Variants in ANK2 observed in about 807,000 individuals in gnomAD.
The protein encoded by ANK2 is ankyrin-2.
In ANK2, 83 loss-of-function variants were observed where a neutral mutation model predicts 360.5. The ratio of observed to expected loss-of-function variants is 0.23; its 90% CI spans 0.19 to 0.28. The LOEUF (loss-of-function observed/expected upper bound fraction) is 0.28. Ranked by LOEUF, ANK2 falls within the 10% of genes least tolerant of loss-of-function variation. ANK2 has a pLI of 1.00. For missense variants in ANK2, 4,201 were observed against 4,795.7 expected (o/e 0.88, Z 3.66); for synonymous variants, 1,740 against 1,759.5 (o/e 0.99, Z 0.28).
chr4:112,817,632 A>C (rs979681760), upstream of ANK2, among the ~76,000 whole-genome samples: 1 of 151,656 alleles, frequency 6.6e-6, no homozygotes, highest in Non-Finnish European at 1.5e-5. Flanking sequence ...TTATGACTTA[A>C]ACATATATAT....
chr4:113,318,120 A>T (rs1265691285), intron 25 of ANK2, among the ~76,000 whole-genome samples: 2 of 152,230 alleles, frequency 1.3e-5, no homozygotes, highest in East Asian at 1.9e-4. Flanking sequence ...GTGAAGTAGG[A>T]TGCATTTAAG....
At chr4:112,723,225 G>T in the ANK2 span, among the ~76,000 whole-genome samples, 2 of 152,168 alleles carry the variant, frequency 1.3e-5, no homozygotes, top group South Asian at 4.1e-4. Context: ...TTTCATTACT[G>T]CAGTGGAAGG....
the ANK2 span, among the ~76,000 whole-genome samples, chr4:112,709,897 G>A: frequency 1.3e-5 from 2 of 152,186 alleles, no homozygotes; most frequent in African/African-American, 4.8e-5. Context: ...GAAAACTTCA[G>A]TGTCATTCTC....
intron 2 of ANK2, among the ~76,000 whole-genome samples, chr4:113,183,831 A>G: frequency 6.6e-6 from 1 of 152,010 alleles, no homozygotes; most frequent in East Asian, 1.9e-4. Flanking sequence ...TCACCTGTGT[A>G]TATGTAGGAG....
intron 4 of ANK2, among the ~76,000 whole-genome samples, chr4:113,213,633 A>C (rs1358009172): frequency 6.6e-6 from 1 of 152,258 alleles, no homozygotes; most frequent in Non-Finnish European, 1.5e-5. Flanking sequence ...TTTAATCTGC[A>C]AATATGCCCT....
rs1457357554 is a variant in ANK2 at position 113,287,640 on chromosome 4, A to T, written c.2115A>T (p.Glu705Asp). ...CATCCTTACACCTTGCAGCCCAGGA[A>T]GATAAAGTGAATGTTGCTGATATTC... is the stretch of plus-strand genomic sequence containing the variant. ...GLTSLHLAAQ[E>D]DKVNVADILT... The change falls in exon 19 of 46, where the codon GAA becomes GAT. Residue 705 changes from glutamate to aspartate, a missense_variant. By Grantham distance (45) the Glu-to-Asp change is conservative. This residue lies in a region of ANK2 where 1,268 missense variants were observed against 1,650.8 expected (regional missense o/e 0.77). Coordinates refer to ENST00000357077, the MANE Select transcript of ANK2 (RefSeq NM_001148.6). 6.2e-7 allele frequency: 1 copy of T among 1,613,570 alleles called. No homozygotes were observed. The highest frequency in any genetic ancestry group is 2.2e-5 in the East Asian group (1 of 44,864).
chr4:112,829,226 G>A (rs890463973), intron 1 of ANK2, among the ~76,000 whole-genome samples: 7 of 152,172 alleles, frequency 4.6e-5, no homozygotes, highest in Admixed American at 4.6e-4. Flanking sequence ...TTGTTTGTTG[G>A]TTTTATGTCT....
intron 4 of ANK2, among the ~76,000 whole-genome samples, chr4:113,200,837 T>C (rs755578724): frequency 4.2e-5 from 6 of 143,854 alleles, no homozygotes; most frequent in African/African-American, 1.3e-4. Context: ...AATTGAACAA[T>C]GAGAACACAT....
chr4:113,288,961 A>C (rs777213073), intron 20 of ANK2, among the ~76,000 whole-genome samples: 10 of 152,176 alleles, frequency 6.6e-5, no homozygotes, highest in Admixed American at 3.9e-4. Context: ...CCTGGGCTGG[A>C]AGTTCTCAAG....
chr4:112,825,337 T>TA (rs137982278), intron 1 of ANK2, among the ~76,000 whole-genome samples: 1 of 149,100 alleles, frequency 6.7e-6, no homozygotes. Context: ...TAAAGGATAA[T>TA]AAAAAAAAAA....
At chr4:113,377,216 A>C (rs1237490104) in intron 45 of ANK2, among the ~76,000 whole-genome samples, 2 of 152,166 alleles carry the variant, frequency 1.3e-5, no homozygotes, top group Admixed American at 1.3e-4. Context: ...TGTACCCTAC[A>C]TAATTGTATG....
intron 1 of ANK2, among the ~76,000 whole-genome samples, chr4:112,883,880 G>GTATA (rs926970875): frequency 6.7e-6 from 1 of 148,278 alleles, no homozygotes; most frequent in Non-Finnish European, 1.5e-5. Flanking sequence ...GTATATATAT[G>GTATA]TATATATATG....
intron 4 of ANK2, among the ~76,000 whole-genome samples, chr4:113,229,600 G>T (rs1308911866): frequency 6.6e-6 from 1 of 152,186 alleles, no homozygotes; most frequent in Non-Finnish European, 1.5e-5. Context: ...CACTTGAGAG[G>T]ATGAACCCAA....
At position 113,363,439 on chromosome 4, in the gene ANK2, T is replaced by A. The variant is rs199473346; in HGVS notation, c.10858T>A (p.Trp3620Arg). 33 of 1,613,468 alleles carry A rather than the reference T, an allele frequency of 2.0e-5. No homozygotes were observed. In the East Asian group the frequency reaches 7.4e-4, roughly 36 times the overall value. The part of the protein sequence containing the change: ...QDQSHALLKY[W>R]LERDGKHATD... ...CCAGAGTCATGCACTGTTGAAGTAC[T>A]GGCTAGAGAGGGATGGGAAACATGC... Residue 3620 changes from tryptophan (W) to arginine (R), a missense_variant, in exon 40 of 46, where the codon TGG becomes AGG. Transcript: ENST00000357077.
chr4:112,750,835 C>G, the ANK2 span, among the ~76,000 whole-genome samples: 1 of 151,988 alleles, frequency 6.6e-6, no homozygotes. Context: ...TCAAGCAGTT[C>G]TCCTGCCTCA....
chr4:112,967,415 G>T (rs576657037), intron 2 of ANK2, among the ~76,000 whole-genome samples: 1 of 152,310 alleles, frequency 6.6e-6, no homozygotes, highest in African/African-American at 2.4e-5. Flanking sequence ...AGAGCCCAGC[G>T]TAATAACCTT....
At chr4:112,884,979 C>T (rs773801239) in intron 1 of ANK2, among the ~76,000 whole-genome samples, 2 of 152,106 alleles carry the variant, frequency 1.3e-5, no homozygotes, top group African/African-American at 4.8e-5. Context: ...ATGTATTATA[C>T]TTCCTCTTAT....
At chr4:113,044,586 C>T (rs1197617805) in intron 2 of ANK2, among the ~76,000 whole-genome samples, 4 of 152,154 alleles carry the variant, frequency 2.6e-5, no homozygotes, top group Middle Eastern at 3.2e-3. Flanking sequence ...TGCAAAACCA[C>T]GGAGTCTTCA....
chr4:112,732,690 C>T, the ANK2 span, among the ~76,000 whole-genome samples: 3 of 152,158 alleles, frequency 2.0e-5, no homozygotes, highest in Non-Finnish European at 4.4e-5. Context: ...AGTGTTGGGA[C>T]GCACTTTTAG....
Sources: allele counts gnomAD v4.1 joint callset (sites outside exome capture counted in the v4.1 genomes callset), GRCh38; gene constraint gnomAD v4.1.1; regional missense constraint gnomAD v4.1.1; transcripts MANE v1.5; gene names NCBI Gene and HGNC (gene_info 2026-07-23, HGNC 2026-07-21).